SPRED1: variants seen among roughly 807,000 people sequenced by gnomAD.
The protein encoded by SPRED1 is sprouty related EVH1 domain containing 1.
A neutral mutation model predicts 52.3 loss-of-function variants in SPRED1; 18 were observed. That is an observed-to-expected ratio of 0.34 (90% confidence interval 0.24 to 0.51). The LOEUF (loss-of-function observed/expected upper bound fraction) is 0.51, where lower values mean the gene tolerates loss of function less well. Ranked by LOEUF, SPRED1 falls within the 20% of genes least tolerant of loss-of-function variation. The pLI, the probability that SPRED1 is intolerant of heterozygous loss-of-function variation, is 0.97. For missense variants in SPRED1, 485 were observed against 551.0 expected (o/e 0.88, Z 1.20); for synonymous variants, 155 against 179.7 (o/e 0.86, Z 1.10).
intron 1 of SPRED1, among the ~76,000 whole-genome samples, chr15:38,259,862 C>T (rs1437486468): frequency 6.6e-6 from 1 of 152,164 alleles, no homozygotes; most frequent in Admixed American, 6.5e-5. Context: ...AAAATTATTA[C>T]ATATCTGTGA....
intron 1 of SPRED1, among the ~76,000 whole-genome samples, chr15:38,292,190 A>T (rs1371591508): frequency 6.6e-6 from 1 of 152,168 alleles, no homozygotes; most frequent in Non-Finnish European, 1.5e-5. Context: ...AACAAGATTC[A>T]GCTTTGCTCC....
chr15:38,277,843 T>G (rs1418550748), intron 1 of SPRED1, among the ~76,000 whole-genome samples: 1 of 152,156 alleles, frequency 6.6e-6, no homozygotes, highest in Non-Finnish European at 1.5e-5. Flanking sequence ...GGTTTTGATT[T>G]GGATTCTTCT....
chr15:38,352,782 T>C lies in SPRED1; in HGVS notation c.*1118T>C, dbSNP rs1391731573. On this transcript the variant is annotated 3_prime_UTR_variant, in exon 7 of 7. Coordinates refer to ENST00000299084, the MANE Select transcript of SPRED1 (RefSeq NM_152594.3). The stretch of plus-strand genomic sequence containing the variant: ...TAATCCTCAGTGCTTATTATTTACA[T>C]AACAATAACTTTTTATCAGTTACAT... The C allele has an allele frequency of 1.3e-5, 2 of 152,134 alleles. No homozygotes were observed. The highest frequency in any genetic ancestry group is 1.5e-5 in the Non-Finnish European group (1 of 67,948). The allele number at this position is 152,134 out of a possible 1,614,324, so 9.4% of individuals were successfully genotyped here.
intron 2 of SPRED1, among the ~76,000 whole-genome samples, chr15:38,307,765 T>C (rs1306742978): frequency 6.6e-6 from 1 of 152,198 alleles, no homozygotes; most frequent in African/African-American, 2.4e-5. Context: ...AGTGCTAGTT[T>C]TTCTCATTAG....
chr15:38,292,726 C>A lies in SPRED1; in HGVS notation c.33-6647C>A, dbSNP rs959233803. 1.1e-4 allele frequency among the ~76,000 whole-genome samples: 16 copies of A among 152,246 alleles called. No individual in the cohort carries two copies. The East Asian group carries it at 2.5e-3, about 24-fold the overall frequency. On this transcript the variant is annotated intron_variant, in intron 1 of 6. Transcript: ENST00000299084. ...CAACACATGGGAATTCTGGGAGATACAATTCAAGTTCAGATTTGGATGGGG... is the reference window on the plus strand; with the variant it reads ...CAACACATGGGAATTCTGGGAGATAAAATTCAAGTTCAGATTTGGATGGGG...
intron 2 of SPRED1, among the ~76,000 whole-genome samples, chr15:38,318,709 A>G (rs1895539862): frequency 6.6e-6 from 1 of 152,076 alleles, no homozygotes; most frequent in Non-Finnish European, 1.5e-5. Flanking sequence ...TCCTACATTA[A>G]TTTGCTTAGG....
intron 1 of SPRED1, among the ~76,000 whole-genome samples, chr15:38,256,805 G>A (rs1894107562): frequency 6.8e-6 from 1 of 147,276 alleles, no homozygotes; most frequent in Admixed American, 6.8e-5. Flanking sequence ...GTATGTATAT[G>A]TATGTACACA....
chr15:38,295,198 G>A (rs1174985362), intron 1 of SPRED1, among the ~76,000 whole-genome samples: 1 of 152,046 alleles, frequency 6.6e-6, no homozygotes, highest in Non-Finnish European at 1.5e-5. Flanking sequence ...TTTCATCATT[G>A]TGCACACAAA....
At chr15:38,268,348 TC>T (rs1259527367) in intron 1 of SPRED1, 4 of 152,206 alleles carry the variant, frequency 2.6e-5, no homozygotes, top group Non-Finnish European at 5.9e-5. Context: ...GAGAACAACA[TC>T]CCAAATACTT....
intron 1 of SPRED1, among the ~76,000 whole-genome samples, chr15:38,276,648 T>G (rs1894560027): frequency 6.6e-6 from 1 of 152,200 alleles, no homozygotes; most frequent in African/African-American, 2.4e-5. Flanking sequence ...AAATCTAATT[T>G]TTATGCTACC....
At chr15:38,297,879 T>C (rs1255146500) in intron 1 of SPRED1, among the ~76,000 whole-genome samples, 1 of 152,208 alleles carries the variant, frequency 6.6e-6, no homozygotes, top group Non-Finnish European at 1.5e-5. Context: ...CTCAAAGCCA[T>C]ACAGATAGTA....
intron 1 of SPRED1, 48 bp from the exon 2 acceptor site, chr15:38,299,325 T>C (rs774071345): frequency 3.7e-6 from 6 of 1,605,710 alleles, no homozygotes; most frequent in Non-Finnish European, 5.1e-6. Context: ...GGCTTGGCTG[T>C]TTTTTGTTTA....
In SPRED1 at chr15:38,261,038, A is replaced by C. The variant is rs75134513; in HGVS notation, c.32+7821A>C. 9.6e-3 allele frequency among the ~76,000 whole-genome samples: 1,470 copies of C among 152,352 alleles called. 10 individuals are homozygous for C. Among genetic ancestry groups the C allele is most frequent in the Middle Eastern group, 0.031 (9 of 292 alleles). On this transcript the variant is annotated intron_variant, in intron 1 of 6. Coordinates refer to ENST00000299084, the MANE Select transcript of SPRED1 (RefSeq NM_152594.3). ...TAGAACAAAACAAAGCCTCACAGTC[A>C]AATGGGGTTTATCTTGAGGATGTAA... is the stretch of plus-strand genomic sequence containing the variant.
chr15:38,257,604 T>C (rs750583890), intron 1 of SPRED1, among the ~76,000 whole-genome samples: 6 of 152,328 alleles, frequency 3.9e-5, no homozygotes, highest in South Asian at 2.1e-4. Flanking sequence ...CTCTGAGTTA[T>C]GTGGTGTATC....
rs759838497 is a variant in SPRED1 at position 38,351,647 on chromosome 15, CAT to C, written c.1320_1321del (p.His440GlnfsTer23). On this transcript the variant is annotated frameshift_variant, in exon 7 of 7. Transcript: ENST00000299084. LOFTEE classifies it high-confidence loss of function. ...GGCATGTGGTTGCTGTGGTGGGAAA[CAT>C]AAAGCTGCTGGATGAAATGGTCCAG... ...GEACGCCGGK[H>X]KAAG 6.2e-7 allele frequency: 1 copy of C among 1,613,030 alleles called. No homozygotes were observed. The highest frequency in any genetic ancestry group is 1.7e-5 in the Admixed American group (1 of 59,988).
chr15:38,283,257 C>T (rs570323568), intron 1 of SPRED1, among the ~76,000 whole-genome samples: 5 of 152,232 alleles, frequency 3.3e-5, no homozygotes, highest in African/African-American at 9.6e-5. Flanking sequence ...CATCAGATCT[C>T]GTGAGAACTC....
chr15:38,260,997 A>G (rs918489447), intron 1 of SPRED1, among the ~76,000 whole-genome samples: 1 of 152,188 alleles, frequency 6.6e-6, no homozygotes, highest in African/African-American at 2.4e-5. Context: ...AGCAAATCAA[A>G]CCTCACTCAG....
At chr15:38,309,526 C>G (rs546594574) in intron 2 of SPRED1, among the ~76,000 whole-genome samples, 1 of 152,266 alleles carries the variant, frequency 6.6e-6, no homozygotes, top group East Asian at 1.9e-4. Context: ...TGAAAATGTT[C>G]TCTCCCAGTC....
intron 2 of SPRED1, 109 bp downstream of exon 2, chr15:38,299,656 GT>G: frequency 8.9e-7 from 1 of 1,129,272 alleles, no homozygotes; most frequent in Non-Finnish European, 1.3e-6. Context: ...CAGTAATTAT[GT>G]TTCTGGAGCT....
Sources: gnomAD v4.1 joint callset for allele counts (sites outside exome capture counted in the v4.1 genomes callset) on GRCh38, gnomAD v4.1.1 for gene constraint, MANE v1.5 for transcripts, NCBI Gene and HGNC (gene_info 2026-07-23, HGNC 2026-07-21) for gene names.